Variants in RHOBTB3 observed in about 807,000 individuals in gnomAD.
The protein encoded by RHOBTB3 is Rho related BTB domain containing 3.
RHOBTB3 carries 47 observed loss-of-function variants against 67.2 expected under a neutral mutation model. The observed-to-expected ratio is 0.70, with a 90% CI of 0.55 to 0.89. The LOEUF is 0.89. Among genes scored for constraint, RHOBTB3 ranks in the 40% least tolerant of loss-of-function variants. The pLI, the probability that RHOBTB3 is intolerant of heterozygous loss-of-function variation, is 0.00. For missense variants in RHOBTB3, 631 were observed against 750.0 expected, an observed-to-expected ratio of 0.84 and a Z score of 1.85; for synonymous variants, 273 against 274.2, an observed-to-expected ratio of 1.00 and a Z score of 0.04.
chr5:95,771,295 A>T (rs1232588834), intron 8 of RHOBTB3, among the ~76,000 whole-genome samples: 1 of 152,264 alleles, frequency 6.6e-6, no homozygotes, highest in Non-Finnish European at 1.5e-5. Context: ...AGGAAGATAT[A>T]ATCTAATTTA....
chr5:95,734,983 C>T (rs557998796), intron 2 of RHOBTB3, among the ~76,000 whole-genome samples: 1 of 152,316 alleles, frequency 6.6e-6, no homozygotes, highest in East Asian at 1.9e-4. Context: ...AGTTAAATGG[C>T]TGCTTAATAT....
chr5:95,738,764 C>T (rs773794417), intron 3 of RHOBTB3, among the ~76,000 whole-genome samples: 2 of 151,862 alleles, frequency 1.3e-5, no homozygotes, highest in South Asian at 2.1e-4. Context: ...AAGCACAAAA[C>T]GGACTAAGAC....
chr5:95,744,462 T>C (rs1168313596), intron 3 of RHOBTB3, among the ~76,000 whole-genome samples: 2 of 152,138 alleles, frequency 1.3e-5, no homozygotes, highest in Non-Finnish European at 2.9e-5. Context: ...TGAGTTTTTA[T>C]ATCATTGCAT....
intron 10 of RHOBTB3, 114 bp from the exon 11 acceptor site, chr5:95,788,648 G>A (rs1358321918): frequency 6.0e-6 from 4 of 663,722 alleles, no homozygotes; most frequent in African/African-American, 1.9e-5. Flanking sequence ...TCAGGTAAAG[G>A]CACATTAAAC....
intron 10 of RHOBTB3, among the ~76,000 whole-genome samples, chr5:95,786,468 T>A (rs1746227704): frequency 6.6e-6 from 1 of 152,362 alleles, no homozygotes; most frequent in South Asian, 2.1e-4. Flanking sequence ...TTCTTTACCA[T>A]GATTTACCTT....
chr5:95,747,975 A>G (rs1744969605), intron 3 of RHOBTB3, among the ~76,000 whole-genome samples: 1 of 152,256 alleles, frequency 6.6e-6, no homozygotes, highest in South Asian at 2.1e-4. Context: ...CTCCATGGCA[A>G]TCAAGTTGTT....
chr5:95,793,059 T>A lies in RHOBTB3; in HGVS notation c.1721T>A (p.Val574Glu). Residue 574 changes from valine (V) to glutamate (E), a missense_variant and splice_region_variant, in exon 12 of 12, where the codon GTG becomes GAG. Coordinates refer to ENST00000379982, the MANE Select transcript of RHOBTB3 (RefSeq NM_014899.4). The stretch of plus-strand genomic sequence containing the variant: ...AACAGTCTTTTTCTTAAAACTTCAG[T>A]GGAAGAACGCAGTTTTGTTGAAAAG... ...SQKPEFQDLS[V>E]EERSFVEKHR... The A allele has an allele frequency of 6.2e-7, 1 of 1,608,162 alleles. No individual in the cohort carries two copies. The highest frequency in any genetic ancestry group is 1.1e-5 in the South Asian group (1 of 90,252).
chr5:95,746,606 A>G (rs1213766293), intron 3 of RHOBTB3, among the ~76,000 whole-genome samples: 1 of 152,176 alleles, frequency 6.6e-6, no homozygotes, highest in East Asian at 1.9e-4. Flanking sequence ...TTTTTAAATC[A>G]CTGTATCTTT....
At chr5:95,763,129 T>G (rs1334616962) in intron 6 of RHOBTB3, among the ~76,000 whole-genome samples, 1 of 152,152 alleles carries the variant, frequency 6.6e-6, no homozygotes, top group African/African-American at 2.4e-5. Flanking sequence ...CCATAACTGG[T>G]AAGATTTAAT....
intron 4 of RHOBTB3, among the ~76,000 whole-genome samples, chr5:95,750,030 G>A (rs777593936): frequency 6.6e-6 from 1 of 152,132 alleles, no homozygotes; most frequent in East Asian, 1.9e-4. Flanking sequence ...CTTAACTCAA[G>A]CCCTGTTGAG....
At chr5:95,783,551 C>T (rs1422584549) in intron 9 of RHOBTB3, 1 of 186,234 alleles carries the variant, frequency 5.4e-6, no homozygotes, top group African/African-American at 4.0e-5. Flanking sequence ...CATAGTGAGA[C>T]CTGTCTCTAC....
chr5:95,767,877 T>A, intron 7 of RHOBTB3, 169 bp from the exon 8 acceptor site: 1 of 731,664 alleles, frequency 1.4e-6, no homozygotes, highest in Non-Finnish European at 2.5e-6. Flanking sequence ...AGGCAGCCCA[T>A]ACAGTTCTTA....
intron 6 of RHOBTB3, among the ~76,000 whole-genome samples, chr5:95,759,802 A>G (rs1745345399): frequency 6.6e-6 from 1 of 152,190 alleles, no homozygotes; most frequent in Middle Eastern, 3.2e-3. Context: ...ATGCTAGAGA[A>G]CCATTGAAGA....
At chr5:95,717,677 G>A (rs577354639) in exon 1 of RHOBTB3, 98 of 152,322 alleles carry the variant, frequency 6.4e-4, no homozygotes, top group African/African-American at 2.3e-3. Context: ...GGAATCTGTC[G>A]ATATACAAGC....
intron 8 of RHOBTB3, chr5:95,770,692 G>C (rs1369947170): frequency 8.4e-6 from 4 of 479,000 alleles, no homozygotes; most frequent in African/African-American, 5.9e-5. Flanking sequence ...TGGGATGGGA[G>C]GTGGCATTTC....
chr5:95,752,927 C>T (rs374771446), intron 5 of RHOBTB3, among the ~76,000 whole-genome samples: 2 of 152,018 alleles, frequency 1.3e-5, no homozygotes, highest in East Asian at 3.9e-4. Flanking sequence ...GTCAGGAGAT[C>T]GAGACCATCC....
chr5:95,745,361 A>C (rs561327797), intron 3 of RHOBTB3, among the ~76,000 whole-genome samples: 5 of 152,104 alleles, frequency 3.3e-5, no homozygotes, highest in Non-Finnish European at 7.4e-5. Flanking sequence ...GCTCTGAATA[A>C]ATTTTCGGCT....
intron 8 of RHOBTB3, among the ~76,000 whole-genome samples, chr5:95,771,135 A>C (rs1745698393): frequency 6.6e-6 from 1 of 152,210 alleles, no homozygotes; most frequent in African/African-American, 2.4e-5. Context: ...GTAGAGGAAT[A>C]CCCAATTATG....
At chr5:95,761,032 G>C (rs1327169596) in intron 6 of RHOBTB3, among the ~76,000 whole-genome samples, 1 of 152,162 alleles carries the variant, frequency 6.6e-6, no homozygotes, top group African/African-American at 2.4e-5. Context: ...TGTGTTCTCA[G>C]ACAGTTCAGT....
Sources: allele counts gnomAD v4.1 joint callset (sites outside exome capture counted in the v4.1 genomes callset), GRCh38; gene constraint gnomAD v4.1.1; transcripts MANE v1.5; gene names NCBI Gene and HGNC (gene_info 2026-07-23, HGNC 2026-07-21).